Variants in CAMSAP1 observed in about 807,000 individuals in gnomAD.
CAMSAP1 encodes the protein calmodulin-regulated spectrin-associated protein 1.
A neutral mutation model predicts 143.5 loss-of-function variants in CAMSAP1; 58 were observed. The observed-to-expected ratio is 0.40, with a 90% CI of 0.33 to 0.50. The LOEUF (loss-of-function observed/expected upper bound fraction) is 0.50, where lower values mean the gene tolerates loss of function less well. Ranked by LOEUF, CAMSAP1 falls within the 20% of genes least tolerant of loss-of-function variation. The probability of loss-of-function intolerance (pLI) is 0.45; values close to 1 mark genes in which losing one functional copy is unlikely to be tolerated. For synonymous variants in CAMSAP1, 945 were observed against 859.3 expected, an observed-to-expected ratio of 1.10 and a Z score of -1.74; for missense variants, 1,969 against 2,115.7, an observed-to-expected ratio of 0.93 and a Z score of 1.36.
rs10715807 is a variant in CAMSAP1 at position 135,820,546 on chromosome 9, C to CAA, written c.3822+291_3822+292dup. ...GACAGGGTTTTGACTGGAAAACCAGCAAAAAAAAAAAAACTATGTTGAAAA... is the reference window on the plus strand; with the variant it reads ...GACAGGGTTTTGACTGGAAAACCAGCAAAAAAAAAAAAAAACTATGTTGAAAA... On this transcript the variant is annotated intron_variant, in intron 11 of 16. Coordinates refer to ENST00000389532, the MANE Select transcript of CAMSAP1 (RefSeq NM_015447.4). This position sits in a 1 kb window ranked among gnomAD's most constrained non-coding sequence, Gnocchi z 4.4. Among the ~76,000 whole-genome samples, 1 of 145,748 alleles carries CAA rather than the reference C, an allele frequency of 6.9e-6. No individual in the cohort carries two copies. Among genetic ancestry groups the CAA allele is most frequent in the Middle Eastern group, 3.2e-3 (1 of 308 alleles).
chr9:135,844,320 T>C lies in CAMSAP1; in HGVS notation c.1045+5817A>G, dbSNP rs184145259. On this transcript the variant is annotated intron_variant, in intron 7 of 16. Transcript: ENST00000389532. ...ACTCACTCAAAACCGCACAACTACA[T>C]GGAAACTCAACAACCTGCTCCTGAA... is the stretch of plus-strand genomic sequence containing the variant. Among the ~76,000 whole-genome samples the C allele has an allele frequency of 3.3e-3, 507 of 152,258 alleles. 1 individual carries two copies. Among genetic ancestry groups the C allele is most frequent in the Admixed American group, 9.7e-3 (148 of 15,288 alleles).
intron 1 of CAMSAP1, among the ~76,000 whole-genome samples, chr9:135,893,629 C>T (rs1400133575): frequency 6.6e-6 from 1 of 152,074 alleles, no homozygotes; most frequent in Non-Finnish European, 1.5e-5. Context: ...AAAAATGGGG[C>T]AGAAACAGTA....
At chr9:135,870,784 G>C (rs1048686711) in intron 3 of CAMSAP1, among the ~76,000 whole-genome samples, 1 of 152,168 alleles carries the variant, frequency 6.6e-6, no homozygotes, top group Non-Finnish European at 1.5e-5. Flanking sequence ...GACAGAGCCA[G>C]AGTCTCTCTC....
intron 5 of CAMSAP1, among the ~76,000 whole-genome samples, chr9:135,858,153 C>G (rs1410967054): frequency 7.4e-6 from 1 of 135,946 alleles, no homozygotes; most frequent in African/African-American, 2.6e-5. Context: ...CTCCACTTTG[C>G]CTTTTTTTTT....
intron 7 of CAMSAP1, among the ~76,000 whole-genome samples, chr9:135,845,288 T>G (rs759828299): frequency 1.3e-5 from 2 of 152,166 alleles, no homozygotes; most frequent in Non-Finnish European, 2.9e-5. Context: ...CTCAATAGAT[T>G]CAGAAAAGGC....
chr9:135,819,724 G>A (rs1216525011), intron 11 of CAMSAP1, among the ~76,000 whole-genome samples: 1 of 149,836 alleles, frequency 6.7e-6, no homozygotes, highest in Non-Finnish European at 1.5e-5. Flanking sequence ...GCACACGCCT[G>A]TAATCCCAGC....
At chr9:135,852,391 AT>A (rs2130908398) in intron 5 of CAMSAP1, among the ~76,000 whole-genome samples, 1 of 152,256 alleles carries the variant, frequency 6.6e-6, no homozygotes, top group East Asian at 1.9e-4. Flanking sequence ...GCTTTTTATA[AT>A]TTTGGCAATC....
intron 7 of CAMSAP1, among the ~76,000 whole-genome samples, chr9:135,829,340 G>GA (rs58931804): frequency 0.059 from 7,863 of 133,744 alleles, 562 homozygotes; most frequent in African/African-American, 0.18. Flanking sequence ...CATCTCTACT[G>GA]AAAAAAAAAA....
rs143292480 is a variant in CAMSAP1 at position 135,825,917 on chromosome 9, C to T, written c.1224-1037G>A. 4.4e-3 allele frequency among the ~76,000 whole-genome samples: 669 copies of T among 152,218 alleles called. 9 individuals carry two copies. The highest frequency in any genetic ancestry group is 0.016 in the African/African-American group (647 of 41,556). On this transcript the variant is annotated intron_variant, in intron 8 of 16. Transcript: ENST00000389532. The stretch of plus-strand genomic sequence containing the variant: ...CAGGAGCACACAAGCGAAAGGGTTG[C>T]GGAGAGAGGGGCTCAAGGCAGGGAG...
Position 135,827,497 on chromosome 9 carries a change from G to A in CAMSAP1, c.1133C>T (p.Ala378Val). Reference sequence around the variant, plus strand: ...GGGCTGCAGCTCAGCCAGGGTCCCTGCAGCAGGGCTGCCTAGGAAACTGCG... The same window carrying A: ...GGGCTGCAGCTCAGCCAGGGTCCCTACAGCAGGGCTGCCTAGGAAACTGCG... ...TKRSFLGSPA[A>V]GTLAELQPPV... Residue 378 changes from alanine to valine, a missense_variant, in exon 8 of 17, where the codon GCA (alanine) becomes GTA (valine). Physicochemically the swap from Ala to Val is moderately conservative, Grantham distance 64. Transcript: ENST00000389532. 1 of 1,612,860 alleles carries A rather than the reference G, an allele frequency of 6.2e-7. No individual in the cohort carries two copies.
At chr9:135,866,349 G>A in intron 4 of CAMSAP1, 107 bp downstream of exon 4, 1 of 659,288 alleles carries the variant, frequency 1.5e-6, no homozygotes, top group Non-Finnish European at 2.7e-6. Flanking sequence ...TGCTTCTTTG[G>A]TGAGTAAAAA....
chr9:135,903,527 C>T (rs1245143928), intron 1 of CAMSAP1, among the ~76,000 whole-genome samples: 1 of 152,226 alleles, frequency 6.6e-6, no homozygotes, highest in Non-Finnish European at 1.5e-5. Context: ...TGAGCCCACC[C>T]ACTTACTACA....
chr9:135,849,912 T>A (rs1836712738), intron 7 of CAMSAP1: 1 of 424,374 alleles, frequency 2.4e-6, no homozygotes, highest in Non-Finnish European at 4.2e-6. Context: ...CCTGGAACTT[T>A]TAGAGTTGTG....
chr9:135,816,836 G>A lies in CAMSAP1; in HGVS notation c.4272-831C>T, dbSNP rs190720788. ...TGACAACACGCGTGGAGGAAGCGGT[G>A]AGCAGGAGCTCCATGGTGGTCACTA... On this transcript the variant is annotated intron_variant, in intron 14 of 16. Coordinates refer to ENST00000389532, the MANE Select transcript of CAMSAP1 (RefSeq NM_015447.4). 2.9e-3 allele frequency among the ~76,000 whole-genome samples: 442 copies of A among 152,278 alleles called. 2 individuals carry two copies. Among genetic ancestry groups the A allele is most frequent in the Non-Finnish European group, 4.6e-3 (316 of 68,022 alleles).
intron 1 of CAMSAP1, among the ~76,000 whole-genome samples, chr9:135,898,506 A>T (rs1838522509): frequency 6.6e-6 from 1 of 151,930 alleles, no homozygotes; most frequent in Admixed American, 6.6e-5. Flanking sequence ...TTTAAAGAAA[A>T]ATATATATAT....
chr9:135,874,472 C>CA (rs1451704738), intron 3 of CAMSAP1, among the ~76,000 whole-genome samples: 148 of 8,574 alleles, frequency 0.017, no homozygotes, highest in Middle Eastern at 0.083. Flanking sequence ...GACCCTGTCT[C>CA]AAAAAAGGGG....
chr9:135,883,443 T>C (rs1171430027), intron 1 of CAMSAP1, among the ~76,000 whole-genome samples: 1 of 152,064 alleles, frequency 6.6e-6, no homozygotes, highest in African/African-American at 2.4e-5. Context: ...AGTGTGTTAA[T>C]GGGGCTGAGG....
chr9:135,887,166 G>C (rs747786863), intron 1 of CAMSAP1, among the ~76,000 whole-genome samples: 1 of 152,198 alleles, frequency 6.6e-6, no homozygotes, highest in African/African-American at 2.4e-5. Context: ...GGCAACCTGA[G>C]GACACCAAGC....
chr9:135,850,118 G>T lies in CAMSAP1; in HGVS notation c.1045+19C>A. 1 of 1,587,450 alleles carries T rather than the reference G, an allele frequency of 6.3e-7. No individual in the cohort carries two copies. Among genetic ancestry groups the T allele is most frequent in the Non-Finnish European group, 8.6e-7 (1 of 1,165,868 alleles). On this transcript the variant is annotated intron_variant, in intron 7 of 16. Transcript: ENST00000389532. ...TCTCAAGGAAACCATTGCCAACCTG[G>T]GGAATATCTGTCACTCACCGTCTTT...
Sources: gnomAD v4.1 joint callset for allele counts (sites outside exome capture counted in the v4.1 genomes callset) on GRCh38, gnomAD v4.1.1 for gene constraint, Gnocchi (gnomAD v3.1) non-coding constraint, MANE v1.5 for transcripts, NCBI Gene and HGNC (gene_info 2026-07-23, HGNC 2026-07-21) for gene names.